PCDHA11: variants seen among roughly 807,000 people sequenced by gnomAD.
PCDHA11 encodes the protein protocadherin alpha-11.
Under a neutral mutation model 70.3 loss-of-function variants are expected in PCDHA11, and 61 were observed. The ratio of observed to expected loss-of-function variants is 0.87; its 90% CI spans 0.71 to 1.07. PCDHA11 has a LOEUF of 1.07. Ranked by LOEUF, PCDHA11 falls within the 50% of genes least tolerant of loss-of-function variation. The pLI is 0.00. For missense variants in PCDHA11, 1,324 were observed against 1,237.5 expected (o/e 1.07, Z -1.05); for synonymous variants, 633 against 555.1 (o/e 1.14, Z -1.97).
At chr5:140,946,097 C>T (rs1452170851) in intron 1 of PCDHA11, among the ~76,000 whole-genome samples, 1 of 151,826 alleles carries the variant, frequency 6.6e-6, no homozygotes, top group Admixed American at 6.6e-5. Context: ...AAGGAGTTAA[C>T]ATACCAAATA....
intron 1 of PCDHA11, among the ~76,000 whole-genome samples, chr5:140,955,667 T>C (rs1485421057): frequency 6.6e-6 from 1 of 152,188 alleles, no homozygotes; most frequent in Admixed American, 6.5e-5. Flanking sequence ...AATTTTAACA[T>C]AGTTTTTTCG....
At chr5:140,966,687 G>A in intron 1 of PCDHA11, 1 of 1,340,546 alleles carries the variant, frequency 7.5e-7, no homozygotes, top group East Asian at 2.9e-5. Flanking sequence ...ACGAGCGGAG[G>A]CGGGGCCCGG....
intron 1 of PCDHA11, among the ~76,000 whole-genome samples, chr5:140,914,132 T>G (rs1554196213): frequency 6.6e-6 from 1 of 152,152 alleles, no homozygotes; most frequent in Non-Finnish European, 1.5e-5. Context: ...CTTTGTTGAG[T>G]TTTTGTCTGT....
intron 1 of PCDHA11, among the ~76,000 whole-genome samples, chr5:140,897,980 A>C (rs1313292712): frequency 6.6e-6 from 1 of 152,206 alleles, no homozygotes. Context: ...GGCTGCATAA[A>C]TGTCTTCTTT....
intron 1 of PCDHA11, among the ~76,000 whole-genome samples, chr5:140,872,820 T>C (rs1233972983): frequency 6.6e-6 from 1 of 152,216 alleles, no homozygotes; most frequent in African/African-American, 2.4e-5. Flanking sequence ...TTCAGATTCA[T>C]CTAGCAGAGA....
At chr5:140,914,710 G>GT (rs1554196543) in intron 1 of PCDHA11, among the ~76,000 whole-genome samples, 1 of 151,256 alleles carries the variant, frequency 6.6e-6, no homozygotes, top group Non-Finnish European at 1.5e-5. Context: ...TTAATTTCTT[G>GT]TTTTTTATTT....
intron 3 of PCDHA11, among the ~76,000 whole-genome samples, chr5:140,994,308 C>T (rs1402344988): frequency 6.6e-6 from 1 of 152,086 alleles, no homozygotes; most frequent in African/African-American, 2.4e-5. Flanking sequence ...TTTCACAGGG[C>T]CCAAACACTC....
intron 1 of PCDHA11, chr5:140,929,069 G>A (rs1554206647): frequency 1.2e-6 from 2 of 1,614,192 alleles, no homozygotes; most frequent in Non-Finnish European, 8.5e-7. Context: ...GAGGATCTGA[G>A]GTATGGAAGT....
chr5:140,900,912 A>AGAT (rs553485999), intron 1 of PCDHA11, among the ~76,000 whole-genome samples: 1 of 152,198 alleles, frequency 6.6e-6, no homozygotes, highest in Non-Finnish European at 1.5e-5. Context: ...AACTGTGGTA[A>AGAT]GATGATATCT....
chr5:140,927,802 A>G (rs782489417), intron 1 of PCDHA11: 1 of 1,614,030 alleles, frequency 6.2e-7, no homozygotes, highest in African/African-American at 1.3e-5. Flanking sequence ...TCCGCCTGAA[A>G]CGCTCTTGGA....
intron 3 of PCDHA11, among the ~76,000 whole-genome samples, chr5:141,005,814 A>T (rs947359019): frequency 6.7e-6 from 1 of 149,766 alleles, no homozygotes; most frequent in Non-Finnish European, 1.5e-5. Flanking sequence ...GGAGCCAGGT[A>T]TGGTGGCCTG....
rs571215806 is a variant in PCDHA11, at chr5:140,940,454, G to T, written c.2392-38495G>T. Among the ~76,000 whole-genome samples, 18 of 151,694 alleles carry T rather than the reference G, an allele frequency of 1.2e-4. No homozygotes were observed. The East Asian group carries it at 3.3e-3, about 28-fold the overall frequency. On this transcript the variant is annotated intron_variant, in intron 1 of 3. Coordinates refer to ENST00000398640, the MANE Select transcript of PCDHA11 (RefSeq NM_018902.5). ...AAGTCTGCCATGATATTTTTTATAGGTTTCTGTTCCCTGCAATTTTTTTTT... is the reference window on the plus strand; with the variant it reads ...AAGTCTGCCATGATATTTTTTATAGTTTTCTGTTCCCTGCAATTTTTTTTT...
intron 1 of PCDHA11, chr5:140,966,981 TG>T (rs2096079365): frequency 1.2e-6 from 2 of 1,603,254 alleles, no homozygotes; most frequent in African/African-American, 2.7e-5. Flanking sequence ...CTGCGGCGCT[TG>T]GGGCCGGGTT....
chr5:141,010,432 C>CA lies in PCDHA11; in HGVS notation c.*498dup. ...AATTGGTACAAGGAAGGCAAGAAAA[C>CA]AAAGACAAATAAACAGCGGAAGTTA... On this transcript the variant is annotated 3_prime_UTR_variant, in exon 4 of 4. Transcript: ENST00000398640. 2.8e-6 allele frequency: 3 copies of CA among 1,056,970 alleles called. No homozygotes were observed. The highest frequency in any genetic ancestry group is 4.0e-6 in the Non-Finnish European group (3 of 756,282). The allele number at this position is 1,056,970 out of a possible 1,614,324, so 65.5% of individuals were successfully genotyped here.
intron 1 of PCDHA11, among the ~76,000 whole-genome samples, chr5:140,975,411 G>A (rs868983297): frequency 6.6e-6 from 1 of 152,236 alleles, no homozygotes; most frequent in African/African-American, 2.4e-5. Flanking sequence ...CAGTCTTGGA[G>A]ACTATTCAGG....
chr5:140,947,580 A>G (rs1031254382), intron 1 of PCDHA11, among the ~76,000 whole-genome samples: 2 of 151,664 alleles, frequency 1.3e-5, no homozygotes, highest in Non-Finnish European at 3.0e-5. Context: ...TGTTTTTAAC[A>G]TTTAGATCAA....
chr5:140,897,695 C>T (rs1417139429), intron 1 of PCDHA11, among the ~76,000 whole-genome samples: 12 of 152,090 alleles, frequency 7.9e-5, no homozygotes, highest in South Asian at 4.2e-4. Flanking sequence ...GTCCTTTGGG[C>T]ATATACCCAG....
chr5:140,965,259 A>G (rs1257686866), intron 1 of PCDHA11, among the ~76,000 whole-genome samples: 1 of 152,218 alleles, frequency 6.6e-6, no homozygotes, highest in African/African-American at 2.4e-5. Context: ...AGAACTGAGC[A>G]GCAGAGGCAA....
chr5:140,908,276 A>T (rs1554193275), intron 1 of PCDHA11, among the ~76,000 whole-genome samples: 1 of 152,148 alleles, frequency 6.6e-6, no homozygotes, highest in Non-Finnish European at 1.5e-5. Context: ...CCATGAGGCC[A>T]TTGTTGCAAG....
Sources: gnomAD v4.1 joint callset for allele counts (sites outside exome capture counted in the v4.1 genomes callset) on GRCh38, gnomAD v4.1.1 for gene constraint, MANE v1.5 for transcripts, NCBI Gene and HGNC (gene_info 2026-07-23, HGNC 2026-07-21) for gene names.